The following CADM2 variants were observed in gnomAD, a reference collection of about 807,000 sequenced individuals.
CADM2 encodes the protein immunoglobulin superfamily member 4D.
In CADM2, 12 loss-of-function variants were observed where a neutral mutation model predicts 49.8. That is an observed-to-expected ratio of 0.24 (90% CI 0.15 to 0.39). CADM2 has a LOEUF of 0.39. Among genes scored for constraint, CADM2 ranks in the 10% least tolerant of loss-of-function variants. CADM2 has a pLI of 1.00. For synonymous variants in CADM2, 214 were observed against 175.4 expected (o/e 1.22, Z -1.74); for missense variants, 378 against 492.3 (o/e 0.77, Z 2.20).
chr3:84,991,897 A>G (rs76874585), intron 1 of CADM2, among the ~76,000 whole-genome samples: 4 of 152,158 alleles, frequency 2.6e-5, no homozygotes, highest in Admixed American at 2.6e-4. Context: ...AGCCAATCTG[A>G]AAAGGCTACA....
chr3:85,338,894 C>T (rs547801467), intron 1 of CADM2, among the ~76,000 whole-genome samples: 3 of 151,530 alleles, frequency 2.0e-5, no homozygotes, highest in African/African-American at 7.2e-5. Context: ...CCTAGATCTC[C>T]TGAACCAGAA....
At chr3:85,988,774 T>C (rs1371685107) in intron 8 of CADM2, among the ~76,000 whole-genome samples, 2 of 152,234 alleles carry the variant, frequency 1.3e-5, no homozygotes, top group South Asian at 2.1e-4. Context: ...CTAGTTTAGG[T>C]CCACTTATTT....
intron 8 of CADM2, among the ~76,000 whole-genome samples, chr3:85,979,800 A>G (rs936696301): frequency 6.6e-6 from 1 of 151,632 alleles, no homozygotes; most frequent in African/African-American, 2.4e-5. Context: ...AAATACATGT[A>G]TCCCAAAGTG....
At chr3:85,309,816 T>C (rs1037044292) in intron 1 of CADM2, among the ~76,000 whole-genome samples, 1 of 152,220 alleles carries the variant, frequency 6.6e-6, no homozygotes, top group South Asian at 2.1e-4. Context: ...AAGGACTATA[T>C]TACTTTACCC....
chr3:85,646,702 CT>C (rs1486973918), intron 1 of CADM2, among the ~76,000 whole-genome samples: 1 of 151,912 alleles, frequency 6.6e-6, no homozygotes, highest in Non-Finnish European at 1.5e-5. Context: ...AGTAGTCCTT[CT>C]GGTTACTTCT....
intron 1 of CADM2, among the ~76,000 whole-genome samples, chr3:85,427,200 A>ATATATATATATATT (rs1491378560): frequency 2.1e-4 from 27 of 126,622 alleles, no homozygotes; most frequent in East Asian, 1.2e-3. Flanking sequence ...ATATATATAT[A>ATATATATATATATT]TGTATAATAA....
chr3:85,062,255 C>A lies in CADM2; in HGVS notation c.61+102587C>A, dbSNP rs185428084. Among the ~76,000 whole-genome samples, 126 of 152,174 alleles carry A rather than the reference C, an allele frequency of 8.3e-4. 1 individual carries two copies. In the Middle Eastern group the frequency reaches 0.02, roughly 25 times the overall value. On this transcript the variant is annotated intron_variant, in intron 1 of 9. Transcript: ENST00000383699. ...TCAACACTGTGCTTTACTATTCTACCTGTAAAAGTTTTGGGGAATAAACAA... is the reference window on the plus strand; with the variant it reads ...TCAACACTGTGCTTTACTATTCTACATGTAAAAGTTTTGGGGAATAAACAA...
Position 85,080,734 on chromosome 3 carries a change from G to A in CADM2, c.61+121066G>A, listed in dbSNP as rs1439118387. Among the ~76,000 whole-genome samples the A allele has an allele frequency of 2.0e-5, 3 of 151,908 alleles. No homozygotes were observed. The East Asian group carries it at 5.8e-4, about 29-fold the overall frequency. The stretch of plus-strand genomic sequence containing the variant: ...ACCTCTTATTTGTTCACTTAAATTT[G>A]AGTAAACCTATCCTTGTATTATTCC... On this transcript the variant is annotated intron_variant, in intron 1 of 9. Coordinates refer to ENST00000383699, the MANE Select transcript of CADM2 (RefSeq NM_001167675.2).
intron 5 of CADM2, among the ~76,000 whole-genome samples, chr3:85,894,384 A>G (rs1213328023): frequency 6.6e-6 from 1 of 152,138 alleles, no homozygotes; most frequent in Non-Finnish European, 1.5e-5. Flanking sequence ...ATTAGGAGAT[A>G]TACCTAATGT....
At chr3:85,134,474 C>A (rs1170771499) in intron 1 of CADM2, among the ~76,000 whole-genome samples, 1 of 152,244 alleles carries the variant, frequency 6.6e-6, no homozygotes, top group East Asian at 1.9e-4. Flanking sequence ...CTACATAAAT[C>A]ATCTTTAACA....
At chr3:85,043,324 G>A (rs912952392) in intron 1 of CADM2, among the ~76,000 whole-genome samples, 2 of 151,742 alleles carry the variant, frequency 1.3e-5, no homozygotes, top group African/African-American at 4.8e-5. Flanking sequence ...CCAAATATGG[G>A]TATGTTATAG....
intron 2 of CADM2, among the ~76,000 whole-genome samples, chr3:85,799,108 G>T: frequency 6.6e-6 from 1 of 152,036 alleles, no homozygotes; most frequent in South Asian, 2.1e-4. Context: ...TGTGATTTTT[G>T]CACATTGATT....
chr3:85,476,812 T>C (rs2038993501), intron 1 of CADM2, among the ~76,000 whole-genome samples: 1 of 151,846 alleles, frequency 6.6e-6, no homozygotes, highest in African/African-American at 2.4e-5. Context: ...TATCTATGTG[T>C]CATTAATCTA....
At chr3:85,691,633 C>A (rs2066390116) in intron 1 of CADM2, among the ~76,000 whole-genome samples, 1 of 152,060 alleles carries the variant, frequency 6.6e-6, no homozygotes, top group African/African-American at 2.4e-5. Flanking sequence ...GGGTATATAC[C>A]CGAAGGATTA....
chr3:85,802,990 T>C (rs2108080702), intron 3 of CADM2, among the ~76,000 whole-genome samples: 1 of 152,058 alleles, frequency 6.6e-6, no homozygotes, highest in East Asian at 1.9e-4. Context: ...AAATTAACTA[T>C]TAGTCTTAAT....
chr3:85,477,698 T>C (rs1387732137), intron 1 of CADM2, among the ~76,000 whole-genome samples: 1 of 151,886 alleles, frequency 6.6e-6, no homozygotes, highest in Non-Finnish European at 1.5e-5. Context: ...GTTCTTTTAA[T>C]GATCTTGTTT....
intron 1 of CADM2, among the ~76,000 whole-genome samples, chr3:85,562,815 G>A (rs971614434): frequency 3.9e-5 from 6 of 151,932 alleles, no homozygotes; most frequent in Non-Finnish European, 7.4e-5. Flanking sequence ...TTAGAGATTT[G>A]TCCACTTGTA....
At chr3:86,066,640 CAT>C in intron 9 of CADM2, 23 bp from the exon 10 acceptor site, 2 of 1,502,134 alleles carry the variant, frequency 1.3e-6, no homozygotes, top group Non-Finnish European at 1.9e-6. Flanking sequence ...ACAGAGCTAA[CAT>C]ATTTTTCTTC....
chr3:85,148,439 G>A (rs866025743), intron 1 of CADM2, among the ~76,000 whole-genome samples: 5 of 152,188 alleles, frequency 3.3e-5, no homozygotes, highest in Admixed American at 2.0e-4. Flanking sequence ...TTATGCTCAT[G>A]TGGCAGACAG....
Sources: allele counts gnomAD v4.1 joint callset (sites outside exome capture counted in the v4.1 genomes callset), GRCh38; gene constraint gnomAD v4.1.1; transcripts MANE v1.5; gene names NCBI Gene and HGNC (gene_info 2026-07-23, HGNC 2026-07-21).